KHDRBS3: variants seen among roughly 807,000 people sequenced by gnomAD.
KHDRBS3 encodes KH domain-containing, RNA-binding, signal transduction-associated protein 3.
Under a neutral mutation model 45.6 loss-of-function variants are expected in KHDRBS3, and 23 were observed. The observed-to-expected ratio is 0.50, with a 90% CI of 0.36 to 0.72. The LOEUF (loss-of-function observed/expected upper bound fraction) is 0.72. KHDRBS3 is among the 30% of genes least tolerant of loss of function. The pLI is 0.00. For missense variants in KHDRBS3, 352 were observed against 424.8 expected (o/e 0.83, Z 1.51); for synonymous variants, 162 against 156.5 (o/e 1.04, Z -0.26).
At chr8:135,597,335 A>G (rs1404017133) in intron 6 of KHDRBS3, among the ~76,000 whole-genome samples, 1 of 152,192 alleles carries the variant, frequency 6.6e-6, no homozygotes. Flanking sequence ...TTCCACCACA[A>G]TGGACATTAA....
At chr8:135,606,737 A>G (rs151109848) in intron 6 of KHDRBS3, among the ~76,000 whole-genome samples, 224 of 152,320 alleles carry the variant, frequency 1.5e-3, no homozygotes, top group African/African-American at 5.2e-3. Context: ...GGGTTCTGAA[A>G]ATGGTGATTC....
intron 4 of KHDRBS3, among the ~76,000 whole-genome samples, chr8:135,553,166 C>T (rs183850766): frequency 6.6e-6 from 1 of 152,210 alleles, no homozygotes; most frequent in Admixed American, 6.5e-5. Context: ...TTGACGCAAC[C>T]CAAGATGGCA....
chr8:135,547,186 C>T (rs1196693642), intron 3 of KHDRBS3, among the ~76,000 whole-genome samples: 2 of 152,032 alleles, frequency 1.3e-5, no homozygotes, highest in African/African-American at 4.8e-5. Context: ...ATAGTCAAAA[C>T]AAATTTCAAA....
At chr8:135,635,848 G>A (rs745769975) in intron 7 of KHDRBS3, among the ~76,000 whole-genome samples, 6 of 152,118 alleles carry the variant, frequency 3.9e-5, no homozygotes, top group African/African-American at 7.2e-5. Context: ...TGCATTATGC[G>A]TATCTTCAAA....
intron 1 of KHDRBS3, among the ~76,000 whole-genome samples, chr8:135,518,620 A>T (rs1462947544): frequency 1.3e-5 from 2 of 152,214 alleles, no homozygotes; most frequent in Non-Finnish European, 2.9e-5. Context: ...TAATTATTGC[A>T]TAAATAGATA....
At chr8:135,499,987 A>G (rs373556011) in intron 1 of KHDRBS3, among the ~76,000 whole-genome samples, 3 of 152,322 alleles carry the variant, frequency 2.0e-5, no homozygotes, top group East Asian at 3.9e-4. Context: ...TTACAGTTGC[A>G]AGTTTATAGG....
At chr8:135,614,255 C>T (rs1829822698) in intron 7 of KHDRBS3, among the ~76,000 whole-genome samples, 1 of 151,826 alleles carries the variant, frequency 6.6e-6, no homozygotes, top group African/African-American at 2.4e-5. Context: ...TACACAGCTT[C>T]GGAATAGCTA....
rs1429736822 is a variant in KHDRBS3 at position 135,625,552 on chromosome 8, T to C, written c.890+18515T>C. ...GAGGTTTCTTGGGTGTATTCAGAGC[T>C]GGAGCAACGAGAGAGGGAGCCACTG... is the stretch of plus-strand genomic sequence containing the variant. On this transcript the variant is annotated intron_variant, in intron 7 of 8. Coordinates refer to ENST00000355849, the MANE Select transcript of KHDRBS3 (RefSeq NM_006558.3). The C allele has an allele frequency of 7.6e-6, 7 of 919,158 alleles. No homozygotes were observed. In the East Asian group the frequency reaches 1.2e-4, roughly 16 times the overall value. 56.9% of individuals were successfully genotyped at this position (919,158 alleles called of 1,614,324 possible). A position where few individuals can be genotyped will look rare whatever the true frequency, so the allele number is the denominator to read the frequency against.
chr8:135,559,535 G>A (rs989438568), intron 5 of KHDRBS3, among the ~76,000 whole-genome samples: 2 of 151,830 alleles, frequency 1.3e-5, no homozygotes, highest in Admixed American at 1.3e-4. Flanking sequence ...TTGTGTGTAT[G>A]TATTTTTAAT....
downstream of KHDRBS3, among the ~76,000 whole-genome samples, chr8:135,650,714 C>A (rs887902797): frequency 3.3e-5 from 5 of 152,174 alleles, no homozygotes; most frequent in African/African-American, 9.7e-5. Flanking sequence ...TCTTTAAGAG[C>A]AGAAGCCTTT....
At chr8:135,535,322 T>A (rs1325578125) in intron 2 of KHDRBS3, among the ~76,000 whole-genome samples, 11 of 77,114 alleles carry the variant, frequency 1.4e-4, no homozygotes, top group African/African-American at 6.2e-4. Context: ...TATAAACTAT[T>A]ATATATAGTT....
At chr8:135,558,232 C>T (rs1826986102) in intron 5 of KHDRBS3, among the ~76,000 whole-genome samples, 1 of 152,168 alleles carries the variant, frequency 6.6e-6, no homozygotes, top group East Asian at 1.9e-4. Flanking sequence ...TAGGCACACA[C>T]ATTTTTTATT....
chr8:135,457,834 G>T lies in KHDRBS3; in HGVS notation c.-33G>T. On this transcript the variant is annotated 5_prime_UTR_variant, in exon 1 of 9. Transcript: ENST00000355849. The surrounding 1 kb of genome is among the most constrained non-coding windows in gnomAD (Gnocchi z 4.4). ...CCGGGCGCCGCCCCCCGTGCGCCTG[G>T]AGTCCACATCCCGGGCCCGGCGGCC... The T allele has an allele frequency of 6.8e-7, 1 of 1,481,326 alleles. No homozygotes were observed. Among genetic ancestry groups the T allele is most frequent in the Admixed American group, 2.1e-5 (1 of 48,310 alleles). 91.8% of individuals were successfully genotyped at this position (1,481,326 alleles called of 1,614,324 possible).
rs796860720 is a variant in KHDRBS3 at position 135,567,299 on chromosome 8, G to A, written c.611+9712G>A. Among the ~76,000 whole-genome samples, 9 of 151,710 alleles carry A rather than the reference G, an allele frequency of 5.9e-5. No homozygotes were observed. In the South Asian group the frequency reaches 1.0e-3, roughly 18 times the overall value. On this transcript the variant is annotated intron_variant, in intron 5 of 8. Transcript: ENST00000355849. ...AGGCGTTCTCAGATGTGGAAAACAC[G>A]TCAGTTCACACTTGTGTAAGCACTT... is the stretch of plus-strand genomic sequence containing the variant.
intron 2 of KHDRBS3, among the ~76,000 whole-genome samples, chr8:135,529,809 C>G (rs2130703346): frequency 6.6e-6 from 1 of 152,078 alleles, no homozygotes. Context: ...GCCTGTAATC[C>G]CAGCACTTTG....
At chr8:135,655,688 AC>A (rs1422398680) in intron 4 of KHDRBS3, among the ~76,000 whole-genome samples, 3 of 152,208 alleles carry the variant, frequency 2.0e-5, no homozygotes, top group African/African-American at 7.2e-5. Flanking sequence ...TGAGAAGTCA[AC>A]ATCACCACAA....
At chr8:135,601,226 G>A (rs73712086) in intron 6 of KHDRBS3, among the ~76,000 whole-genome samples, 2,856 of 152,274 alleles carry the variant, frequency 0.019, 90 homozygotes, top group African/African-American at 0.064. Flanking sequence ...TTATGTTCCA[G>A]GCACTGTTGC....
At chr8:135,577,088 A>T (rs1295498574) in intron 5 of KHDRBS3, among the ~76,000 whole-genome samples, 2 of 150,256 alleles carry the variant, frequency 1.3e-5, no homozygotes, top group African/African-American at 4.9e-5. Context: ...TTCATCAACT[A>T]GAACAGTGCT....
chr8:135,548,695 A>T, intron 3 of KHDRBS3, 59 bp from the exon 4 acceptor site: 1 of 1,256,516 alleles, frequency 8.0e-7, no homozygotes, highest in Non-Finnish European at 1.1e-6. Flanking sequence ...TTATTTATTT[A>T]TCTTTCATTT....
Sources: gnomAD v4.1 joint callset for allele counts (sites outside exome capture counted in the v4.1 genomes callset) on GRCh38, gnomAD v4.1.1 for gene constraint, Gnocchi (gnomAD v3.1) non-coding constraint, MANE v1.5 for transcripts, NCBI Gene and HGNC (gene_info 2026-07-23, HGNC 2026-07-21) for gene names.